Variants in MAST3 observed in about 807,000 individuals in gnomAD.
MAST3 encodes the protein microtubule associated serine/threonine kinase 3.
MAST3 carries 43 observed loss-of-function variants against 127.0 expected under a neutral mutation model. The ratio of observed to expected loss-of-function variants is 0.34; its 90% CI spans 0.27 to 0.44. The LOEUF (loss-of-function observed/expected upper bound fraction) is 0.44, where lower values mean the gene tolerates loss of function less well. Ranked by LOEUF, MAST3 falls within the 20% of genes least tolerant of loss-of-function variation. The pLI is 1.00. For synonymous variants in MAST3, 785 were observed against 809.2 expected (o/e 0.97, Z 0.51); for missense variants, 1,390 against 1,919.1 (o/e 0.72, Z 5.15).
At chr19:18,109,006 T>C (rs925503886) in intron 2 of MAST3, among the ~76,000 whole-genome samples, 1 of 152,108 alleles carries the variant, frequency 6.6e-6, no homozygotes, top group Non-Finnish European at 1.5e-5. Context: ...TGGGGGTGGC[T>C]TTATCCTGAA....
chr19:18,120,969 C>T (rs12981122), intron 3 of MAST3, among the ~76,000 whole-genome samples: 81,101 of 152,024 alleles, frequency 0.53, 21,956 homozygotes, highest in East Asian at 0.72. Flanking sequence ...GATCTACCCA[C>T]CTCGGCCTCC....
In MAST3 at chr19:18,142,015, G is replaced by T; in HGVS notation, c.2339G>T (p.Arg780Leu). 6.7e-7 allele frequency: 1 copy of T among 1,486,406 alleles called. No individual in the cohort carries two copies. The highest frequency in any genetic ancestry group is 9.0e-7 in the Non-Finnish European group (1 of 1,105,260). 92.1% of individuals were successfully genotyped at this position (1,486,406 alleles called of 1,614,324 possible). A position where few individuals can be genotyped will look rare whatever the true frequency, so the allele number is the denominator to read the frequency against. ...GGCCGCCGGCTGAGTGCTGACATCC[G>T]GTAAGTGGCCTGGGGAAGTGTAGGC... ...DYGRRLSADI[R>L]LRSWTSSGSS... Residue 780 changes from arginine (R) to leucine (L), a missense_variant and splice_region_variant, in exon 21 of 28, where the codon CGG becomes CTG. Arg to Leu is a moderately radical substitution (Grantham distance 102, BLOSUM62 -2). Transcript: ENST00000687212.
chr19:18,137,693 C>A (rs908052993), intron 19 of MAST3, among the ~76,000 whole-genome samples: 5 of 152,134 alleles, frequency 3.3e-5, no homozygotes, highest in Non-Finnish European at 5.9e-5. Context: ...GGGGCCCCAT[C>A]TGTTACCCAG....
At chr19:18,100,524 TTAAAATAATAA>T (rs751314044) in intron 1 of MAST3, among the ~76,000 whole-genome samples, 1 of 152,008 alleles carries the variant, frequency 6.6e-6, no homozygotes, top group Non-Finnish European at 1.5e-5. Context: ...TGGAAGAAGA[TTAAAATAATAA>T]TAAAATAATA....
At position 18,134,559 on chromosome 19, in the gene MAST3, C is replaced by T; in HGVS notation, c.1572-20C>T. Reference sequence around the variant, plus strand: ...CACCCCAGCCCCCCAGCTCTGAGCACACTCCTAACCTGCCCACAGTCTGCT... The same window carrying T: ...CACCCCAGCCCCCCAGCTCTGAGCATACTCCTAACCTGCCCACAGTCTGCT... On this transcript the variant is annotated intron_variant, in intron 15 of 27. Transcript: ENST00000687212. 3 of 1,596,398 alleles carry T rather than the reference C, an allele frequency of 1.9e-6. No homozygotes were observed. The highest frequency in any genetic ancestry group is 2.6e-6 in the Non-Finnish European group (3 of 1,167,278).
rs1220688900 is a variant in MAST3 at position 18,144,489 on chromosome 19, G to T, written c.2608G>T (p.Ala870Ser). 3 of 1,585,036 alleles carry T rather than the reference G, an allele frequency of 1.9e-6. No individual in the cohort carries two copies. Among genetic ancestry groups the T allele is most frequent in the South Asian group, 1.1e-5 (1 of 88,122 alleles). Reference sequence around the variant, plus strand: ...AGCCGACACAGCTGCTCTCAGCCACGCCCGCCTACGGAGCAATAGCATCGG... The same window carrying T: ...AGCCGACACAGCTGCTCTCAGCCACTCCCGCCTACGGAGCAATAGCATCGG... ...LSADTAALSH[A>S]RLRSNSIGAR... Residue 870 changes from alanine to serine, a missense_variant, in exon 23 of 28, where the codon GCC becomes TCC. Coordinates refer to ENST00000687212, the MANE Select transcript of MAST3 (RefSeq NM_001393504.1). The surrounding 1 kb of genome is among the most constrained non-coding windows in gnomAD (Gnocchi z 4.0).
rs200648024 is a variant in MAST3 at position 18,128,833 on chromosome 19, G to A, written c.1138-33G>A. ...GGAGAAGCCTTCCCAGCTCTGCAGC[G>A]GGGCAGGACCCTAAGCCCTTCCCAT... On this transcript the variant is annotated intron_variant, in intron 12 of 27. Coordinates refer to ENST00000687212, the MANE Select transcript of MAST3 (RefSeq NM_001393504.1). The A allele has an allele frequency of 5.1e-5, 79 of 1,544,178 alleles. 1 individual carries two copies. The highest frequency in any genetic ancestry group is 3.1e-4 in the East Asian group (14 of 44,586).
chr19:18,117,933 C>T (rs1421702808), intron 3 of MAST3: 2 of 172,308 alleles, frequency 1.2e-5, no homozygotes, highest in Non-Finnish European at 2.3e-5. Context: ...GCTTCCGCGT[C>T]GCTCGCTCCG....
intron 11 of MAST3, 148 bp downstream of exon 11, chr19:18,124,922 A>G (rs1568573170): frequency 4.7e-6 from 4 of 845,142 alleles, no homozygotes; most frequent in South Asian, 2.8e-5. Flanking sequence ...CCTGGCCAAC[A>G]TGGTGGAAAC....
At chr19:18,126,091 G>A (rs914051521) in intron 11 of MAST3, among the ~76,000 whole-genome samples, 12 of 151,970 alleles carry the variant, frequency 7.9e-5, no homozygotes, top group Non-Finnish European at 1.8e-4. Context: ...GTGTAGTAGT[G>A]CGCGCCTGTA....
At chr19:18,138,939 C>A in intron 19 of MAST3, 76 bp from the exon 20 acceptor site, 1 of 986,100 alleles carries the variant, frequency 1.0e-6, no homozygotes, top group Non-Finnish European at 1.6e-6. Context: ...CTGAGATGCC[C>A]TCCCCGTATT....
At chr19:18,114,355 A>T (rs970045231) in intron 3 of MAST3, among the ~76,000 whole-genome samples, 1 of 151,336 alleles carries the variant, frequency 6.6e-6, no homozygotes, top group Non-Finnish European at 1.5e-5. Context: ...ACGCCCTGCT[A>T]GTTTTGTATT....
At chr19:18,108,455 C>T (rs2038242958) in intron 2 of MAST3, among the ~76,000 whole-genome samples, 1 of 151,728 alleles carries the variant, frequency 6.6e-6, no homozygotes, top group African/African-American at 2.4e-5. Context: ...CTCACTGCAA[C>T]CACTGCCTCC....
At position 18,124,669 on chromosome 19, in the gene MAST3, C is replaced by A; in HGVS notation, c.973C>A (p.Leu325Met). The change falls in exon 11 of 28, where the codon CTG becomes ATG. Residue 325 changes from leucine to methionine, a missense_variant. Transcript: ENST00000687212. ...GTTTGACCCTGAGGAATTTTACCAC[C>A]TGCTGGAGGCGGCTGAGGGCCATGC... is the stretch of plus-strand genomic sequence containing the variant. ...LEFDPEEFYH[L>M]LEAAEGHARE... The A allele has an allele frequency of 1.2e-6, 2 of 1,605,166 alleles. No individual in the cohort carries two copies. Among genetic ancestry groups the A allele is most frequent in the Non-Finnish European group, 1.7e-6 (2 of 1,176,570 alleles).
Position 18,110,535 on chromosome 19 carries a change from TCCC to T in MAST3, c.72-115_72-113del. On this transcript the variant is annotated intron_variant, in intron 2 of 27. Transcript: ENST00000687212. The surrounding 1 kb of genome is among the most constrained non-coding windows in gnomAD (Gnocchi z 4.3). ...CTCACGTCCTGAGCTGAACCCAGAA[TCCC>T]CGGTCTTGGGCCCCTACTCCCTGAG... 1.2e-6 allele frequency: 1 copy of T among 843,992 alleles called. No homozygotes were observed. The highest frequency in any genetic ancestry group is 1.4e-6 in the Non-Finnish European group (1 of 700,404). The allele number at this position is 843,992 out of a possible 1,614,324, so 52.3% of individuals were successfully genotyped here.
intron 14 of MAST3, 129 bp from the exon 15 acceptor site, chr19:18,131,780 A>G (rs1450067152): frequency 1.0e-6 from 1 of 996,722 alleles, no homozygotes; most frequent in African/African-American, 1.6e-5. Flanking sequence ...CCCCGCTGAG[A>G]TAGAACAAAC....
rs1217944095 is a variant in MAST3, at chr19:18,110,347, A to G, written c.72-305A>G. ...GAAGTCCCGCAGGGACAAGCTGCAC[A>G]TCCCGGCGCTGACCCTCGAGTGAGT... is the stretch of plus-strand genomic sequence containing the variant. On this transcript the variant is annotated intron_variant, in intron 2 of 27. Transcript: ENST00000687212. The surrounding 1 kb of genome is among the most constrained non-coding windows in gnomAD (Gnocchi z 4.3). 1 of 985,424 alleles carries G rather than the reference A, an allele frequency of 1.0e-6. No homozygotes were observed. Among genetic ancestry groups the G allele is most frequent in the African/African-American group, 1.7e-5 (1 of 57,250 alleles). 61.0% of individuals were successfully genotyped at this position (985,424 alleles called of 1,614,324 possible). A position where few individuals can be genotyped will look rare whatever the true frequency, so the allele number is the denominator to read the frequency against.
chr19:18,122,064 C>T (rs1599742078), intron 5 of MAST3, 142 bp downstream of exon 5: 3 of 1,473,302 alleles, frequency 2.0e-6, no homozygotes, highest in African/African-American at 1.4e-5. Flanking sequence ...TGGTGGTCTC[C>T]CCCTCTGGCT....
At chr19:18,148,833 G>A (rs2043295156) in intron 27 of MAST3, among the ~76,000 whole-genome samples, 1 of 151,972 alleles carries the variant, frequency 6.6e-6, no homozygotes, top group Admixed American at 6.6e-5. Flanking sequence ...AACCTGGGAG[G>A]TGAAGGTTGC....
Sources: gnomAD v4.1 joint callset for allele counts (sites outside exome capture counted in the v4.1 genomes callset) on GRCh38, gnomAD v4.1.1 for gene constraint, Gnocchi (gnomAD v3.1) non-coding constraint, MANE v1.5 for transcripts, NCBI Gene and HGNC (gene_info 2026-07-23, HGNC 2026-07-21) for gene names.